Variants in EPB41L4A observed in about 807,000 individuals in gnomAD.
EPB41L4A encodes the protein band 4.1-like protein 4A.
EPB41L4A carries 100 observed loss-of-function variants against 108.6 expected under a neutral mutation model. That is an observed-to-expected ratio of 0.92 (90% confidence interval 0.78 to 1.09). The LOEUF (loss-of-function observed/expected upper bound fraction) is 1.09. EPB41L4A is among the 50% of genes least tolerant of loss of function. The pLI is 0.00. For synonymous variants in EPB41L4A, 319 were observed against 289.0 expected, an observed-to-expected ratio of 1.10 and a Z score of -1.05; for missense variants, 1,030 against 842.7, an observed-to-expected ratio of 1.22 and a Z score of -2.75.
intron 10 of EPB41L4A, 31 bp downstream of exon 10, chr5:112,240,688 G>T: frequency 1.6e-6 from 2 of 1,244,904 alleles, no homozygotes; most frequent in Non-Finnish European, 2.2e-6. Flanking sequence ...CATTTATTAA[G>T]ACAACAAACA....
intron 2 of EPB41L4A, among the ~76,000 whole-genome samples, chr5:112,305,357 C>T (rs1754619781): frequency 6.6e-6 from 1 of 152,074 alleles, no homozygotes; most frequent in Non-Finnish European, 1.5e-5. Flanking sequence ...CCTGGTCCTC[C>T]AGTGCAGACA....
intron 1 of EPB41L4A, among the ~76,000 whole-genome samples, chr5:112,352,972 G>A (rs1178858670): frequency 6.6e-6 from 1 of 152,160 alleles, no homozygotes. Context: ...GGCTTTCATA[G>A]GGAAGGCTTT....
chr5:112,265,133 A>G, intron 5 of EPB41L4A, 117 bp from the exon 6 acceptor site: 1 of 892,330 alleles, frequency 1.1e-6, no homozygotes, highest in Non-Finnish European at 1.6e-6. Flanking sequence ...TAAAATTCAC[A>G]TATAAGACAA....
intron 15 of EPB41L4A, among the ~76,000 whole-genome samples, chr5:112,199,679 C>G (rs1230199864): frequency 6.6e-6 from 1 of 152,224 alleles, no homozygotes; most frequent in Non-Finnish European, 1.5e-5. Context: ...TTGTCCCTTT[C>G]AAGCCTGTGA....
chr5:112,237,419 G>T (rs1036167135), intron 11 of EPB41L4A, among the ~76,000 whole-genome samples: 1 of 152,092 alleles, frequency 6.6e-6, no homozygotes, highest in Non-Finnish European at 1.5e-5. Context: ...GCAAGACAGA[G>T]TAAAGACTAG....
intron 2 of EPB41L4A, among the ~76,000 whole-genome samples, chr5:112,287,197 T>G (rs185410460): frequency 8.5e-5 from 13 of 152,222 alleles, no homozygotes; most frequent in African/African-American, 1.2e-4. Context: ...AACTGCCTAC[T>G]TGGCATCTCC....
intron 9 of EPB41L4A, among the ~76,000 whole-genome samples, chr5:112,244,334 A>T (rs984141411): frequency 6.6e-5 from 10 of 152,222 alleles, no homozygotes; most frequent in Non-Finnish European, 1.2e-4. Flanking sequence ...AACATCAAAG[A>T]TCACTGATCA....
intron 1 of EPB41L4A, among the ~76,000 whole-genome samples, chr5:112,392,121 T>C (rs1030306101): frequency 5.9e-5 from 9 of 152,116 alleles, no homozygotes; most frequent in African/African-American, 2.2e-4. Flanking sequence ...TGCAAAAACA[T>C]GCCAAACTGT....
chr5:112,152,861 A>T (rs1262282677), intron 12 of EPB41L4A, among the ~76,000 whole-genome samples: 1 of 150,834 alleles, frequency 6.6e-6, no homozygotes, highest in African/African-American at 2.5e-5. Context: ...ATTAATGGAA[A>T]TTTAATTATC....
At chr5:112,199,912 G>A (rs984248193) in intron 15 of EPB41L4A, among the ~76,000 whole-genome samples, 1 of 152,146 alleles carries the variant, frequency 6.6e-6, no homozygotes, top group African/African-American at 2.4e-5. Context: ...ATAGCCTGCT[G>A]CCTGGTCTTC....
intron 4 of EPB41L4A, among the ~76,000 whole-genome samples, chr5:112,274,135 C>T (rs1219401827): frequency 6.6e-6 from 1 of 151,830 alleles, no homozygotes; most frequent in Non-Finnish European, 1.5e-5. Flanking sequence ...AAAGTATTAG[C>T]TAGGTGTAGT....
chr5:112,338,507 G>A (rs1757063315), intron 1 of EPB41L4A, among the ~76,000 whole-genome samples: 1 of 152,092 alleles, frequency 6.6e-6, no homozygotes, highest in Admixed American at 6.6e-5. Context: ...CACCAGGAAG[G>A]CCCTTCAAAC....
chr5:112,205,426 G>A lies in EPB41L4A; in HGVS notation c.1257C>T (p.Pro419=). ...KSHAPWEENG[P]QSGLYNSPSD... ...AAAACAATGATTCCCTTTACCTCTG[G>A]GGGCCATTTTCTTCCCACGGTGCAT... The change falls in exon 14 of 23, where the codon CCC becomes CCT. Residue 419 remains proline (P), a synonymous_variant. Transcript: ENST00000261486. 2 of 1,612,820 alleles carry A rather than the reference G, an allele frequency of 1.2e-6. No individual in the cohort carries two copies. Among genetic ancestry groups the A allele is most frequent in the East Asian group, 4.5e-5 (2 of 44,846 alleles).
At chr5:112,399,840 G>A (rs1044851972) in intron 1 of EPB41L4A, among the ~76,000 whole-genome samples, 1 of 152,176 alleles carries the variant, frequency 6.6e-6, no homozygotes, top group Non-Finnish European at 1.5e-5. Context: ...AGGAGCTCCA[G>A]TGGGCATCCC....
At chr5:112,249,217 T>C (rs138929138) in intron 9 of EPB41L4A, 71 of 152,262 alleles carry the variant, frequency 4.7e-4, no homozygotes, top group Middle Eastern at 3.4e-3. Flanking sequence ...AAGTCTAAAG[T>C]ACTGTGAGAT....
intron 12 of EPB41L4A, among the ~76,000 whole-genome samples, chr5:112,234,221 TAAAATAAAATA>T (rs1174875991): frequency 4.4e-4 from 66 of 148,586 alleles, no homozygotes; most frequent in African/African-American, 1.3e-3. Context: ...ATAAATAAAA[TAAAATAAAATA>T]AAAATAAAAT....
At chr5:112,267,723 C>T (rs1408003576) in intron 4 of EPB41L4A, among the ~76,000 whole-genome samples, 1 of 152,124 alleles carries the variant, frequency 6.6e-6, no homozygotes, top group African/African-American at 2.4e-5. Context: ...CCTTCCAATC[C>T]TCCCAAGAGG....
intron 12 of EPB41L4A, among the ~76,000 whole-genome samples, chr5:112,214,438 T>C (rs6873658): frequency 0.28 from 42,340 of 152,122 alleles, 6,804 homozygotes; most frequent in East Asian, 0.67. Context: ...CAAATAATCA[T>C]ACAGTAAACC....
intron 1 of EPB41L4A, among the ~76,000 whole-genome samples, chr5:112,415,251 T>C (rs1465560140): frequency 1.3e-5 from 2 of 152,124 alleles, no homozygotes; most frequent in African/African-American, 2.4e-5. Flanking sequence ...CTCAGGATGA[T>C]TGGGAAGTAA....
Sources: gnomAD v4.1 joint callset for allele counts (sites outside exome capture counted in the v4.1 genomes callset) on GRCh38, gnomAD v4.1.1 for gene constraint, MANE v1.5 for transcripts, NCBI Gene and HGNC (gene_info 2026-07-23, HGNC 2026-07-21) for gene names.